FYN: variants seen among roughly 807,000 people sequenced by gnomAD.
FYN encodes the protein tyrosine-protein kinase Fyn.
FYN carries 10 observed loss-of-function variants against 70.2 expected under a neutral mutation model. That is an observed-to-expected ratio of 0.14 (90% CI 0.09 to 0.24). The LOEUF is 0.24. Among genes scored for constraint, FYN ranks in the 10% least tolerant of loss-of-function variants. The pLI is 1.00. For synonymous variants in FYN, 236 were observed against 248.6 expected, an observed-to-expected ratio of 0.95 and a Z score of 0.48; for missense variants, 319 against 673.1, an observed-to-expected ratio of 0.47 and a Z score of 5.82.
chr6:111,866,138 T>C (rs1774097682), intron 1 of FYN, among the ~76,000 whole-genome samples: 1 of 152,146 alleles, frequency 6.6e-6, no homozygotes, highest in South Asian at 2.1e-4. Flanking sequence ...AGCAAACACA[T>C]AGCTTTTCCT....
chr6:111,859,768 C>G (rs1343544761), intron 1 of FYN, among the ~76,000 whole-genome samples: 1 of 152,070 alleles, frequency 6.6e-6, no homozygotes, highest in Non-Finnish European at 1.5e-5. Context: ...TGGTGCCAAC[C>G]CCCCAACCAC....
chr6:111,845,772 C>T (rs917423781), intron 2 of FYN, among the ~76,000 whole-genome samples: 4 of 152,102 alleles, frequency 2.6e-5, no homozygotes, highest in East Asian at 3.9e-4. Flanking sequence ...TAGTGGGGGC[C>T]GAAAAGGACG....
chr6:111,808,500 G>A (rs1772223429), intron 2 of FYN, among the ~76,000 whole-genome samples: 1 of 152,182 alleles, frequency 6.6e-6, no homozygotes, highest in South Asian at 2.1e-4. Flanking sequence ...GGACCCCACT[G>A]TGGGTAGATA....
rs181967835 is a variant in FYN at position 111,850,107 on chromosome 6, C to G, written c.-122-3478G>C. The stretch of plus-strand genomic sequence containing the variant: ...TGCTATTATGTTTACTACTACCCAG[C>G]AATTCTTGCTATTGAAAGAGATTCA... On this transcript the variant is annotated intron_variant, in intron 1 of 13. Coordinates refer to ENST00000354650, the MANE Select transcript of FYN (RefSeq NM_002037.5). Among the ~76,000 whole-genome samples the G allele has an allele frequency of 1.1e-4, 16 of 152,272 alleles. No individual in the cohort carries two copies. In the East Asian group the frequency reaches 3.1e-3, roughly 29 times the overall value.
intron 13 of FYN, among the ~76,000 whole-genome samples, chr6:111,673,182 G>A (rs1443294027): frequency 1.3e-5 from 2 of 152,078 alleles, no homozygotes; most frequent in Non-Finnish European, 1.5e-5. Context: ...CCCTTGAGAA[G>A]CAATTCAGAA....
At chr6:111,714,472 G>C (rs764357171) in intron 4 of FYN, 29 bp from the exon 5 acceptor site, 1 of 1,454,400 alleles carries the variant, frequency 6.9e-7, no homozygotes, top group African/African-American at 1.4e-5. Flanking sequence ...CAAGAAGGGA[G>C]ATTATTACAC....
rs1799469703 is a variant in FYN at position 111,694,108 on chromosome 6, C to T, written c.1273+267G>A. 6.6e-6 allele frequency among the ~76,000 whole-genome samples: 1 copy of T among 152,090 alleles called. No individual in the cohort carries two copies. The highest frequency in any genetic ancestry group is 2.4e-5 in the African/African-American group (1 of 41,410). On this transcript the variant is annotated intron_variant, in intron 12 of 13. Coordinates refer to ENST00000354650, the MANE Select transcript of FYN (RefSeq NM_002037.5). This position sits in a 1 kb window ranked among gnomAD's most constrained non-coding sequence, Gnocchi z 5.0. ...CTAGGCCTGGACGCTGTGAGGAGAC[C>T]AGCATGAGCCAAGAGGACCACAGCA...
chr6:111,849,308 C>G (rs1177899974), intron 1 of FYN, among the ~76,000 whole-genome samples: 1 of 152,216 alleles, frequency 6.6e-6, no homozygotes, highest in African/African-American at 2.4e-5. Flanking sequence ...TCAGACCAAT[C>G]CTCCAACATT....
intron 3 of FYN, among the ~76,000 whole-genome samples, chr6:111,724,036 G>A (rs1169872863): frequency 1.3e-5 from 2 of 152,160 alleles, no homozygotes; most frequent in Non-Finnish European, 2.9e-5. Context: ...TTACAGCTGT[G>A]AAGCCTCTAT....
intron 3 of FYN, among the ~76,000 whole-genome samples, chr6:111,767,582 A>C (rs1803278939): frequency 6.6e-6 from 1 of 152,048 alleles, no homozygotes; most frequent in South Asian, 2.1e-4. Flanking sequence ...TTGTATTTTT[A>C]GTAGAGATGG....
At chr6:111,769,943 G>A (rs1455081011) in intron 3 of FYN, among the ~76,000 whole-genome samples, 1 of 152,168 alleles carries the variant, frequency 6.6e-6, no homozygotes, top group African/African-American at 2.4e-5. Flanking sequence ...TGTAATTAGA[G>A]TTAGCTGGAG....
chr6:111,733,072 G>A (rs1801544101), intron 3 of FYN, among the ~76,000 whole-genome samples: 2 of 152,294 alleles, frequency 1.3e-5, no homozygotes, highest in South Asian at 2.1e-4. Flanking sequence ...GGGTGGCTGT[G>A]TGGGCCACGT....
intron 3 of FYN, among the ~76,000 whole-genome samples, chr6:111,734,137 C>T (rs1297794812): frequency 6.6e-6 from 1 of 152,122 alleles, no homozygotes; most frequent in Non-Finnish European, 1.5e-5. Context: ...TGAGCTTCAA[C>T]AAGGAGCCCT....
chr6:111,807,529 AC>A (rs1772186572), intron 2 of FYN, among the ~76,000 whole-genome samples: 1 of 152,178 alleles, frequency 6.6e-6, no homozygotes, highest in African/African-American at 2.4e-5. Context: ...TCACTCACTT[AC>A]CCCCAGGTAA....
intron 1 of FYN, among the ~76,000 whole-genome samples, chr6:111,853,978 G>T (rs1773756342): frequency 6.6e-6 from 1 of 152,204 alleles, no homozygotes; most frequent in Non-Finnish European, 1.5e-5. Context: ...AAAGCAGATG[G>T]AGAAATGTGA....
Position 111,814,663 on chromosome 6 carries a change from G to A in FYN, c.-82+31926C>T, listed in dbSNP as rs529984915. ...ACCCAGTGGCAAAGATATTTTCAAG[G>A]ATCAATGCCAAACACAATACATATT... On this transcript the variant is annotated intron_variant, in intron 2 of 13. Transcript: ENST00000354650. Among the ~76,000 whole-genome samples, 8 of 152,176 alleles carry A rather than the reference G, an allele frequency of 5.3e-5. No homozygotes were observed. The South Asian group carries it at 8.3e-4, about 16-fold the overall frequency.
At chr6:111,679,076 C>G (rs540286497) in intron 12 of FYN, among the ~76,000 whole-genome samples, 1 of 152,282 alleles carries the variant, frequency 6.6e-6, no homozygotes, top group African/African-American at 2.4e-5. Flanking sequence ...ACTTGTTCTC[C>G]TCTGCTTCCC....
rs142007043 is a variant in FYN, at chr6:111,708,371, G to A, written c.345-351C>T. 226 of 268,590 alleles carry A rather than the reference G, an allele frequency of 8.4e-4. 2 individuals are homozygous for A. Among genetic ancestry groups the A allele is most frequent in the African/African-American group, 4.3e-3 (201 of 46,504 alleles). The allele number at this position is 268,590 out of a possible 1,614,324, so 16.6% of individuals were successfully genotyped here. ...GCCTCAGCCTAATTAAGCAGAACAT[G>A]TTAGCTGCAGATCATCTGGGAAGGG... On this transcript the variant is annotated intron_variant, in intron 5 of 13. Transcript: ENST00000354650.
In FYN at chr6:111,661,874, G is replaced by C; in HGVS notation, c.1479C>G (p.Ile493Met). The change falls in exon 14 of 14, where the codon ATC becomes ATG. Residue 493 changes from isoleucine to methionine, a missense_variant. Physicochemically the swap from Ile to Met is conservative, Grantham distance 10. This residue lies in a region of FYN where 64 missense variants were observed against 223.0 expected (regional missense o/e 0.29). Coordinates refer to ENST00000354650, the MANE Select transcript of FYN (RefSeq NM_002037.5). This position sits in a 1 kb window ranked among gnomAD's most constrained non-coding sequence, Gnocchi z 4.0. ...AGTGGATCATGAGCTCATGCAGAGAGATGGGGCAGTCCTGCGGGCAGGGCA... is the reference window on the plus strand; with the variant it reads ...AGTGGATCATGAGCTCATGCAGAGACATGGGGCAGTCCTGCGGGCAGGGCA... ...YRMPCPQDCPISLHELMIHCW... is the reference protein window; with the variant it reads ...YRMPCPQDCPMSLHELMIHCW... 1 of 1,614,168 alleles carries C rather than the reference G, an allele frequency of 6.2e-7. No homozygotes were observed. Among genetic ancestry groups the C allele is most frequent in the Non-Finnish European group, 8.5e-7 (1 of 1,180,006 alleles).
Sources: allele counts gnomAD v4.1 joint callset (sites outside exome capture counted in the v4.1 genomes callset), GRCh38; gene constraint gnomAD v4.1.1; regional missense constraint gnomAD v4.1.1; non-coding constraint Gnocchi (gnomAD v3.1); transcripts MANE v1.5; gene names NCBI Gene and HGNC (gene_info 2026-07-23, HGNC 2026-07-21).